The following XXYLT1 variants were observed in gnomAD, a reference collection of about 807,000 sequenced individuals.
The protein encoded by XXYLT1 is UDP-xylose:alpha-xyloside alpha-1,3-xylosyltransferase.
Under a neutral mutation model 28.9 loss-of-function variants are expected in XXYLT1, and 20 were observed. The ratio of observed to expected loss-of-function variants is 0.69; its 90% CI spans 0.49 to 1.00. XXYLT1 has a LOEUF of 1.00. XXYLT1 is among the 50% of genes least tolerant of loss of function. XXYLT1 has a pLI of 0.00. For missense variants in XXYLT1, 542 were observed against 560.1 expected (o/e 0.97, Z 0.33); for synonymous variants, 257 against 253.8 (o/e 1.01, Z -0.12).
At chr3:195,073,601 G>T (rs191947176) in intron 3 of XXYLT1, among the ~76,000 whole-genome samples, 2 of 152,076 alleles carry the variant, frequency 1.3e-5, no homozygotes, top group Admixed American at 6.5e-5. Flanking sequence ...ACGGTAGAGG[G>T]GATAAGCCTT....
chr3:195,222,254 G>C (rs116353724), intron 2 of XXYLT1, among the ~76,000 whole-genome samples: 14 of 152,334 alleles, frequency 9.2e-5, no homozygotes, highest in Non-Finnish European at 1.8e-4. Flanking sequence ...GGGCAAGGAG[G>C]ACACAGATCG....
At chr3:195,159,622 C>T (rs114429421) in intron 2 of XXYLT1, among the ~76,000 whole-genome samples, 1 of 152,184 alleles carries the variant, frequency 6.6e-6, no homozygotes, top group African/African-American at 2.4e-5. Context: ...TAGCTTTCAA[C>T]ACCTCCAAGA....
chr3:195,137,078 A>C (rs1437560431), intron 3 of XXYLT1, among the ~76,000 whole-genome samples: 1 of 152,170 alleles, frequency 6.6e-6, no homozygotes, highest in Non-Finnish European at 1.5e-5. Flanking sequence ...GGATCCTTCA[A>C]TCATACAGGT....
At chr3:195,207,825 T>C (rs1723138594) in intron 2 of XXYLT1, among the ~76,000 whole-genome samples, 1 of 152,178 alleles carries the variant, frequency 6.6e-6, no homozygotes, top group African/African-American at 2.4e-5. Flanking sequence ...TCAATTCCCC[T>C]CTCACTCGTG....
At chr3:195,213,560 G>A (rs781721334) in intron 2 of XXYLT1, among the ~76,000 whole-genome samples, 3 of 152,106 alleles carry the variant, frequency 2.0e-5, no homozygotes, top group Non-Finnish European at 2.9e-5. Context: ...CACCACGCCC[G>A]GCGAGGGCAG....
chr3:195,132,004 C>T (rs1402222308), intron 3 of XXYLT1, among the ~76,000 whole-genome samples: 1 of 152,136 alleles, frequency 6.6e-6, no homozygotes, highest in African/African-American at 2.4e-5. Flanking sequence ...AGAAGCCAGC[C>T]AGTGAGACTT....
chr3:195,121,324 A>G (rs1718349001), intron 3 of XXYLT1, among the ~76,000 whole-genome samples: 1 of 152,204 alleles, frequency 6.6e-6, no homozygotes, highest in Non-Finnish European at 1.5e-5. Context: ...TGGTGATGAG[A>G]GACGGGGTTC....
intron 3 of XXYLT1, among the ~76,000 whole-genome samples, chr3:195,145,989 A>G (rs1719823983): frequency 6.6e-6 from 1 of 152,208 alleles, no homozygotes; most frequent in African/African-American, 2.4e-5. Context: ...GGAGGAGGAG[A>G]CAGATGTTCA....
intron 2 of XXYLT1, chr3:195,175,752 G>A (rs1397615299): frequency 6.5e-7 from 1 of 1,528,610 alleles, no homozygotes; most frequent in Non-Finnish European, 8.8e-7. Flanking sequence ...GCCACTGCAG[G>A]GCCTCAGCCA....
At chr3:195,100,955 A>G (rs1009176058) in intron 3 of XXYLT1, among the ~76,000 whole-genome samples, 4 of 152,278 alleles carry the variant, frequency 2.6e-5, no homozygotes, top group Admixed American at 1.3e-4. Context: ...CTAGACAGGT[A>G]TACTTTCACT....
chr3:195,178,148 CT>C (rs35477529), intron 2 of XXYLT1, among the ~76,000 whole-genome samples: 20 of 148,008 alleles, frequency 1.4e-4, no homozygotes, highest in Non-Finnish European at 1.4e-4. Context: ...CTGCTGACAG[CT>C]TTTTTTTTTA....
chr3:195,107,764 G>T (rs750473108), intron 3 of XXYLT1, among the ~76,000 whole-genome samples: 22 of 151,852 alleles, frequency 1.4e-4, no homozygotes, highest in Non-Finnish European at 2.4e-4. Flanking sequence ...TTCTGGCGGG[G>T]ATCCAGCCCC....
chr3:195,169,483 A>T (rs1305507534), intron 2 of XXYLT1, among the ~76,000 whole-genome samples: 1 of 152,144 alleles, frequency 6.6e-6, no homozygotes, highest in Non-Finnish European at 1.5e-5. Flanking sequence ...GGCTTTGGAG[A>T]CCAGCTGCCA....
chr3:195,264,835 A>C (rs1227477616), intron 1 of XXYLT1, among the ~76,000 whole-genome samples: 2 of 152,194 alleles, frequency 1.3e-5, no homozygotes, highest in Non-Finnish European at 2.9e-5. Context: ...AAGCTAGGGC[A>C]GGAGGATCAC....
intron 1 of XXYLT1, among the ~76,000 whole-genome samples, chr3:195,237,808 G>A (rs1436862877): frequency 6.6e-6 from 1 of 151,994 alleles, no homozygotes. Flanking sequence ...CTACTGGTTT[G>A]TTTGTTGTTT....
At chr3:195,096,725 C>T (rs928923335) in intron 3 of XXYLT1, among the ~76,000 whole-genome samples, 4 of 152,188 alleles carry the variant, frequency 2.6e-5, no homozygotes, top group African/African-American at 9.7e-5. Flanking sequence ...GCTTTCCTTT[C>T]AACTGGCAAT....
intron 3 of XXYLT1, among the ~76,000 whole-genome samples, chr3:195,154,743 G>C (rs2108679639): frequency 6.6e-6 from 1 of 152,344 alleles, no homozygotes; most frequent in South Asian, 2.1e-4. Flanking sequence ...CCTCTCCCAA[G>C]TGTACTTTAT....
At chr3:195,104,990 T>C (rs1188869529) in intron 3 of XXYLT1, among the ~76,000 whole-genome samples, 1 of 152,234 alleles carries the variant, frequency 6.6e-6, no homozygotes, top group African/African-American at 2.4e-5. Flanking sequence ...TTGGGATGCC[T>C]GGGACAAGGC....
At chr3:195,259,694 A>C in intron 1 of XXYLT1, 1 of 985,090 alleles carries the variant, frequency 1.0e-6, no homozygotes. Flanking sequence ...AGCGCCAGGG[A>C]CAGACCCAGC....
Sources: gnomAD v4.1 joint callset for allele counts (sites outside exome capture counted in the v4.1 genomes callset) on GRCh38, gnomAD v4.1.1 for gene constraint, MANE v1.5 for transcripts, NCBI Gene and HGNC (gene_info 2026-07-23, HGNC 2026-07-21) for gene names.